ABCA12: variants seen among roughly 807,000 people sequenced by gnomAD.
ABCA12 encodes the protein ATP binding cassette subfamily A member 12, also known as glucosylceramide transporter ABCA12.
Under a neutral mutation model 293.5 loss-of-function variants are expected in ABCA12, and 156 were observed. The ratio of observed to expected loss-of-function variants is 0.53; its 90% CI spans 0.47 to 0.61. ABCA12 has a LOEUF of 0.61. Ranked by LOEUF, ABCA12 falls within the 20% of genes least tolerant of loss-of-function variation. The pLI is 0.00. For synonymous variants in ABCA12, 1,063 were observed against 1,108.0 expected (o/e 0.96, Z 0.81); for missense variants, 2,797 against 3,090.2 (o/e 0.91, Z 2.25).
chr2:214,992,312 G>A (rs936721894), intron 23 of ABCA12, among the ~76,000 whole-genome samples: 14 of 151,510 alleles, frequency 9.2e-5, no homozygotes, highest in South Asian at 2.1e-4. Flanking sequence ...GAGTGGTGGC[G>A]GGCCCCCGTA....
intron 2 of ABCA12, among the ~76,000 whole-genome samples, chr2:215,086,208 T>A (rs970823759): frequency 6.6e-6 from 1 of 152,220 alleles, no homozygotes; most frequent in East Asian, 1.9e-4. Flanking sequence ...TACAATGGGT[T>A]AAGTACATTA....
At chr2:215,011,771 T>C (rs1250216505) in intron 16 of ABCA12, 122 bp from the exon 17 acceptor site, 4 of 1,173,296 alleles carry the variant, frequency 3.4e-6, no homozygotes, top group Non-Finnish European at 5.1e-6. Flanking sequence ...ATTCCTTTTA[T>C]ATGTTTATTC....
chr2:215,127,765 G>C (rs990073069), intron 1 of ABCA12, among the ~76,000 whole-genome samples: 1 of 152,146 alleles, frequency 6.6e-6, no homozygotes, highest in African/African-American at 2.4e-5. Flanking sequence ...TCTTTTAAGT[G>C]CATCATTTAG....
At chr2:215,045,088 T>G (rs1169172472) in intron 7 of ABCA12, among the ~76,000 whole-genome samples, 2 of 152,154 alleles carry the variant, frequency 1.3e-5, no homozygotes, top group Non-Finnish European at 2.9e-5. Flanking sequence ...TACAAACGAC[T>G]TGGTAACACA....
chr2:215,073,500 G>A (rs1467183997), intron 2 of ABCA12, among the ~76,000 whole-genome samples: 1 of 151,960 alleles, frequency 6.6e-6, no homozygotes, highest in Non-Finnish European at 1.5e-5. Context: ...GTGCTGATTG[G>A]TCATATCAGA....
At chr2:215,093,507 G>A (rs1702190313) in intron 2 of ABCA12, among the ~76,000 whole-genome samples, 2 of 152,120 alleles carry the variant, frequency 1.3e-5, no homozygotes, top group Admixed American at 1.3e-4. Flanking sequence ...GTGCAGGGCT[G>A]TGCGGTTAGA....
chr2:215,000,667 T>G (rs1457907469), intron 22 of ABCA12, 38 bp downstream of exon 22: 1 of 1,610,938 alleles, frequency 6.2e-7, no homozygotes, highest in Admixed American at 1.7e-5. Context: ...TCAGAAAAGT[T>G]GTTGATCATT....
chr2:215,132,499 C>CT (rs141826655), intron 1 of ABCA12, among the ~76,000 whole-genome samples: 69 of 147,362 alleles, frequency 4.7e-4, no homozygotes, highest in Admixed American at 1.1e-3. Context: ...ATGCCTTTGT[C>CT]TTTTTTTTTT....
At chr2:215,118,329 G>C (rs1450463137) in intron 1 of ABCA12, among the ~76,000 whole-genome samples, 2 of 152,090 alleles carry the variant, frequency 1.3e-5, no homozygotes, top group Non-Finnish European at 2.9e-5. Flanking sequence ...TTGAACCCAA[G>C]AGATGGAGGT....
In ABCA12 at chr2:214,982,291, G is replaced by A; in HGVS notation, c.4475C>T (p.Ala1492Val). 6.2e-7 allele frequency: 1 copy of A among 1,614,022 alleles called. No individual in the cohort carries two copies. Among genetic ancestry groups the A allele is most frequent in the Non-Finnish European group, 8.5e-7 (1 of 1,179,970 alleles). Residue 1492 changes from alanine to valine, a missense_variant, in exon 30 of 53, where the codon GCT becomes GTT. Ala to Val is a moderately conservative substitution (Grantham distance 64, BLOSUM62 0). Coordinates refer to ENST00000272895, the MANE Select transcript of ABCA12 (RefSeq NM_173076.3). ...GMKRKLSISI[A>V]LIGGSRVVIL... The stretch of plus-strand genomic sequence containing the variant: ...TACTACCCTTGATCCACCAATGAGA[G>A]CTATGGATATAGATAACTTCCTCTT...
chr2:214,992,361 T>C (rs1475665964), intron 23 of ABCA12, among the ~76,000 whole-genome samples: 3 of 142,774 alleles, frequency 2.1e-5, no homozygotes, highest in South Asian at 2.2e-4. Context: ...GAGAATGGCG[T>C]GAACCTGGGA....
At chr2:215,097,746 A>G (rs756315374) in intron 2 of ABCA12, among the ~76,000 whole-genome samples, 3 of 152,230 alleles carry the variant, frequency 2.0e-5, no homozygotes, top group South Asian at 2.1e-4. Context: ...CTACATTAAT[A>G]CTATCTAATA....
chr2:214,985,066 C>A (rs1699757122), intron 28 of ABCA12, among the ~76,000 whole-genome samples: 1 of 152,178 alleles, frequency 6.6e-6, no homozygotes, highest in South Asian at 2.1e-4. Flanking sequence ...GCAGTGCAGA[C>A]TTCTGGATTA....
chr2:214,954,727 G>A (rs1472317620), intron 43 of ABCA12, among the ~76,000 whole-genome samples: 6 of 151,956 alleles, frequency 3.9e-5, no homozygotes, highest in Non-Finnish European at 8.8e-5. Context: ...CTCACTAATC[G>A]TAATTGTCAG....
At chr2:214,935,918 A>C (rs536868849) in intron 51 of ABCA12, among the ~76,000 whole-genome samples, 11 of 152,336 alleles carry the variant, frequency 7.2e-5, no homozygotes, top group African/African-American at 2.2e-4. Flanking sequence ...TTATTTTTAA[A>C]ATGCAGTTTA....
intron 23 of ABCA12, among the ~76,000 whole-genome samples, chr2:214,997,454 A>G (rs951537133): frequency 6.6e-6 from 1 of 152,102 alleles, no homozygotes. Flanking sequence ...TTATCATTGT[A>G]CTCATATTTT....
chr2:215,044,075 G>T, intron 7 of ABCA12, among the ~76,000 whole-genome samples: 1 of 151,838 alleles, frequency 6.6e-6, no homozygotes, highest in African/African-American at 2.4e-5. Flanking sequence ...TTTTTATAGA[G>T]ATTTGATTAC....
At position 214,932,527 on chromosome 2, in the gene ABCA12, T is replaced by C. The variant is rs1403075247; in HGVS notation, c.*107A>G. 1.9e-5 allele frequency: 17 copies of C among 872,214 alleles called. No individual in the cohort carries two copies. The highest frequency in any genetic ancestry group is 3.2e-5 in the Non-Finnish European group (17 of 532,130). 54.0% of individuals were successfully genotyped at this position (872,214 alleles called of 1,614,324 possible). A position where few individuals can be genotyped will look rare whatever the true frequency, so the allele number is the denominator to read the frequency against. On this transcript the variant is annotated 3_prime_UTR_variant, in exon 53 of 53. Coordinates refer to ENST00000272895, the MANE Select transcript of ABCA12 (RefSeq NM_173076.3). ...CACAGTTGTAACTTTCCATACAGTATATTACTTTACTTTAAAATGAAGATA... is the reference window on the plus strand; with the variant it reads ...CACAGTTGTAACTTTCCATACAGTACATTACTTTACTTTAAAATGAAGATA...
In ABCA12 at chr2:214,953,951, T is replaced by G. The variant is rs1225758940; in HGVS notation, c.6550A>C (p.Asn2184His). 6.2e-7 allele frequency: 1 copy of G among 1,614,096 alleles called. No individual in the cohort carries two copies. Among genetic ancestry groups the G allele is most frequent in the Non-Finnish European group, 8.5e-7 (1 of 1,179,992 alleles). ...VEYPNETFEM[N>H]KLGAMFVALV... Reference sequence around the variant, plus strand: ...GCCACAAACATTGCACCTAGTTTATTCATCTCAAAGGTTTCATTTGGGTAT... The same window carrying G: ...GCCACAAACATTGCACCTAGTTTATGCATCTCAAAGGTTTCATTTGGGTAT... The change falls in exon 44 of 53, where the codon AAT (asparagine) becomes CAT (histidine). Residue 2184 changes from asparagine (N) to histidine (H), a missense_variant. Transcript: ENST00000272895.
Sources: gnomAD v4.1 joint callset for allele counts (sites outside exome capture counted in the v4.1 genomes callset) on GRCh38, gnomAD v4.1.1 for gene constraint, MANE v1.5 for transcripts, NCBI Gene and HGNC (gene_info 2026-07-23, HGNC 2026-07-21) for gene names.